Variants in APP observed in about 807,000 individuals in gnomAD.
APP encodes amyloid beta precursor protein.
APP carries 31 observed loss-of-function variants against 101.4 expected under a neutral mutation model. The ratio of observed to expected loss-of-function variants is 0.31; its 90% CI spans 0.23 to 0.41. The LOEUF is 0.41. Ranked by LOEUF, APP falls within the 10% of genes least tolerant of loss-of-function variation. The pLI is 1.00. For missense variants in APP, 839 were observed against 1,003.7 expected (o/e 0.84, Z 2.22); for synonymous variants, 366 against 364.4 (o/e 1.00, Z -0.05).
chr21:26,098,081 G>GAAA (rs757879199), intron 2 of APP, among the ~76,000 whole-genome samples: 185 of 53,684 alleles, frequency 3.4e-3, no homozygotes, highest in Middle Eastern at 0.014. Flanking sequence ...CTCTGTCTCA[G>GAAA]AAAAAAAAAA....
intron 13 of APP, among the ~76,000 whole-genome samples, chr21:25,936,293 C>G (rs571960268): frequency 6.6e-6 from 1 of 152,158 alleles, no homozygotes; most frequent in South Asian, 2.1e-4. Flanking sequence ...GGGGCTCACG[C>G]CTGTAATCCC....
chr21:26,047,160 T>A (rs1377541770), intron 5 of APP, among the ~76,000 whole-genome samples: 2 of 152,194 alleles, frequency 1.3e-5, no homozygotes, highest in South Asian at 4.1e-4. Flanking sequence ...TCTTTTTCAA[T>A]GAGGTCATAA....
intron 3 of APP, chr21:26,089,710 T>A (rs552663453): frequency 2.6e-4 from 118 of 449,168 alleles, no homozygotes; most frequent in Admixed American, 6.6e-4. Context: ...CAGGAATTTG[T>A]AATTTCAATA....
intron 6 of APP, among the ~76,000 whole-genome samples, chr21:26,007,617 G>A (rs1254289303): frequency 6.6e-6 from 1 of 151,390 alleles, no homozygotes; most frequent in African/African-American, 2.4e-5. Context: ...ATTACTACGT[G>A]GTGACATTTC....
At chr21:26,003,593 T>C (rs1339549719) in intron 6 of APP, among the ~76,000 whole-genome samples, 3 of 152,252 alleles carry the variant, frequency 2.0e-5, no homozygotes, top group Admixed American at 6.5e-5. Context: ...GGAGAAGATG[T>C]ACGTGAGGCT....
At chr21:26,148,352 G>A (rs2063195271) in intron 1 of APP, among the ~76,000 whole-genome samples, 1 of 152,220 alleles carries the variant, frequency 6.6e-6, no homozygotes, top group South Asian at 2.1e-4. Context: ...CAGGACTAGG[G>A]CAGGAGAGTA....
chr21:25,946,740 CA>C (rs1344530673), intron 13 of APP, among the ~76,000 whole-genome samples: 1 of 149,882 alleles, frequency 6.7e-6, no homozygotes, highest in Non-Finnish European at 1.5e-5. Context: ...AAAAATTGGG[CA>C]AAGAATCTGA....
At chr21:25,968,322 CTTTTTTTTTT>C (rs34021818) in intron 11 of APP, among the ~76,000 whole-genome samples, 3 of 113,846 alleles carry the variant, frequency 2.6e-5, no homozygotes, top group African/African-American at 1.0e-4. Context: ...TTAAAAAAAT[CTTTTTTTTTT>C]TTTTTTTTTG....
intron 11 of APP, among the ~76,000 whole-genome samples, chr21:25,974,108 A>G (rs904743782): frequency 6.6e-6 from 1 of 152,132 alleles, no homozygotes; most frequent in Admixed American, 6.5e-5. Flanking sequence ...AAAACCATGA[A>G]TAAGTCTCAT....
chr21:25,964,847 G>A (rs1322327957), intron 11 of APP, among the ~76,000 whole-genome samples: 4 of 152,092 alleles, frequency 2.6e-5, no homozygotes, highest in Non-Finnish European at 5.9e-5. Flanking sequence ...TGATCCACCC[G>A]CCTTGGCCTC....
chr21:26,162,092 C>G (rs148441620), intron 1 of APP, among the ~76,000 whole-genome samples: 1 of 152,160 alleles, frequency 6.6e-6, no homozygotes, highest in East Asian at 1.9e-4. Context: ...TTTGGAAGGT[C>G]GAGGCAGGAG....
intron 6 of APP, among the ~76,000 whole-genome samples, chr21:26,008,583 C>T (rs1380846119): frequency 6.6e-6 from 1 of 152,194 alleles, no homozygotes; most frequent in Admixed American, 6.5e-5. Context: ...ATACTCCCAC[C>T]ATTGGTATTT....
In APP at chr21:26,149,705, T is replaced by C. The variant is rs192635035; in HGVS notation, c.57+20859A>G. On this transcript the variant is annotated intron_variant, in intron 1 of 17. Coordinates refer to ENST00000346798, the MANE Select transcript of APP (RefSeq NM_000484.4). Reference sequence around the variant, plus strand: ...TCTTTTAAATGTTTGGAGTACAGAATGTCTTTCATGAAATCATCTTGATTA... The same window carrying C: ...TCTTTTAAATGTTTGGAGTACAGAACGTCTTTCATGAAATCATCTTGATTA... Among the ~76,000 whole-genome samples the C allele has an allele frequency of 1.4e-4, 22 of 152,368 alleles. No homozygotes were observed. The East Asian group carries it at 3.3e-3, about 23-fold the overall frequency.
intron 10 of APP, 33 bp downstream of exon 10, chr21:25,975,921 T>C: frequency 6.4e-7 from 1 of 1,560,220 alleles, no homozygotes; most frequent in South Asian, 1.1e-5. Flanking sequence ...TGCTGGCATG[T>C]GATGTTTGGT....
intron 17 of APP, 52 bp from the exon 18 acceptor site, chr21:25,881,823 G>A (rs961448182): frequency 3.2e-6 from 5 of 1,543,204 alleles, no homozygotes; most frequent in African/African-American, 2.7e-5. Context: ...TCTTTTAAGG[G>A]TGAACATGGA....
intron 11 of APP, among the ~76,000 whole-genome samples, chr21:25,964,649 A>G (rs1467288172): frequency 1.7e-5 from 2 of 116,744 alleles, no homozygotes; most frequent in African/African-American, 6.5e-5. Context: ...CACTCTTGTT[A>G]TACAGGCTGG....
intron 16 of APP, among the ~76,000 whole-genome samples, chr21:25,896,357 C>T (rs1477985165): frequency 2.0e-5 from 3 of 152,028 alleles, no homozygotes; most frequent in Non-Finnish European, 4.4e-5. Context: ...GAGATTAATA[C>T]TAGGATTTAT....
intron 5 of APP, among the ~76,000 whole-genome samples, chr21:26,050,588 G>C (rs936769025): frequency 1.3e-5 from 2 of 152,026 alleles, no homozygotes; most frequent in South Asian, 4.2e-4. Flanking sequence ...CATCCACACA[G>C]AGAACGCCCA....
intron 1 of APP, among the ~76,000 whole-genome samples, chr21:26,166,333 C>A (rs925672316): frequency 7.2e-5 from 11 of 152,190 alleles, no homozygotes; most frequent in Non-Finnish European, 1.2e-4. Flanking sequence ...AGGGTGTTAT[C>A]TGTACACTGG....
Sources: allele counts gnomAD v4.1 joint callset (sites outside exome capture counted in the v4.1 genomes callset), GRCh38; gene constraint gnomAD v4.1.1; transcripts MANE v1.5; gene names NCBI Gene and HGNC (gene_info 2026-07-23, HGNC 2026-07-21).